CADM2: variants seen among roughly 807,000 people sequenced by gnomAD.
The protein encoded by CADM2 is cell adhesion molecule 2.
A neutral mutation model predicts 49.8 loss-of-function variants in CADM2; 12 were observed. The observed-to-expected ratio is 0.24, with a 90% confidence interval of 0.15 to 0.39. The LOEUF (loss-of-function observed/expected upper bound fraction) is 0.39, where lower values mean the gene tolerates loss of function less well. Ranked by LOEUF, CADM2 falls within the 10% of genes least tolerant of loss-of-function variation. CADM2 has a pLI of 1.00. For synonymous variants in CADM2, 214 were observed against 175.4 expected (o/e 1.22, Z -1.74); for missense variants, 378 against 492.3 (o/e 0.77, Z 2.20).
chr3:85,013,753 A>G (rs1434197565), intron 1 of CADM2, among the ~76,000 whole-genome samples: 2 of 149,266 alleles, frequency 1.3e-5, no homozygotes, highest in Non-Finnish European at 3.0e-5. Flanking sequence ...ATGGTCAACT[A>G]CGGTCCAAAA....
intron 3 of CADM2, among the ~76,000 whole-genome samples, chr3:85,850,929 C>G (rs754170353): frequency 7.2e-5 from 11 of 152,140 alleles, no homozygotes; most frequent in African/African-American, 1.2e-4. Flanking sequence ...GCCGAGACCT[C>G]TAGCACACTG....
At chr3:85,115,311 G>A (rs2038602215) in intron 1 of CADM2, among the ~76,000 whole-genome samples, 1 of 152,136 alleles carries the variant, frequency 6.6e-6, no homozygotes, top group South Asian at 2.1e-4. Context: ...TTGCTAATTA[G>A]AATTATCACT....
intron 8 of CADM2, among the ~76,000 whole-genome samples, chr3:86,043,184 T>C (rs188412711): frequency 0.035 from 5,304 of 152,146 alleles, 187 homozygotes; most frequent in African/African-American, 0.086. Context: ...CAGGGATGCC[T>C]TCTCTCACCA....
intron 2 of CADM2, among the ~76,000 whole-genome samples, chr3:85,760,993 G>T (rs1227809135): frequency 6.6e-6 from 1 of 152,132 alleles, no homozygotes; most frequent in Admixed American, 6.5e-5. Flanking sequence ...GAGTCCTACT[G>T]TTAGTATTTT....
intron 1 of CADM2, among the ~76,000 whole-genome samples, chr3:85,120,959 G>A (rs1292001194): frequency 6.6e-6 from 1 of 152,168 alleles, no homozygotes; most frequent in Non-Finnish European, 1.5e-5. Context: ...TTCCAAAAGT[G>A]ATATTTCCAT....
At chr3:85,992,011 TAGGCAGAA>T (rs1268224219) in intron 8 of CADM2, among the ~76,000 whole-genome samples, 16 of 152,026 alleles carry the variant, frequency 1.1e-4, no homozygotes, top group East Asian at 3.9e-4. Context: ...TATTCAAGAT[TAGGCAGAA>T]AAACCACATT....
intron 1 of CADM2, among the ~76,000 whole-genome samples, chr3:85,359,486 C>A (rs1289946201): frequency 6.7e-6 from 1 of 150,160 alleles, no homozygotes; most frequent in Non-Finnish European, 1.5e-5. Flanking sequence ...TACTCTTTGA[C>A]CAAGTTGTGT....
chr3:85,805,719 C>T (rs2072369289), intron 3 of CADM2: 1 of 152,210 alleles, frequency 6.6e-6, no homozygotes, highest in Non-Finnish European at 1.5e-5. Flanking sequence ...AGCAAGCATT[C>T]CAAGTTGTAC....
At chr3:85,405,846 A>G (rs1016783482) in intron 1 of CADM2, among the ~76,000 whole-genome samples, 8 of 151,896 alleles carry the variant, frequency 5.3e-5, no homozygotes, top group African/African-American at 1.9e-4. Flanking sequence ...CTGACTTCCA[A>G]TAATATATGA....
chr3:85,146,325 C>T (rs2039739501), intron 1 of CADM2, among the ~76,000 whole-genome samples: 1 of 151,930 alleles, frequency 6.6e-6, no homozygotes. Context: ...TTTGTGGTGA[C>T]TCTTGTTGAT....
chr3:85,083,487 C>T (rs774576253), intron 1 of CADM2, among the ~76,000 whole-genome samples: 9 of 152,226 alleles, frequency 5.9e-5, no homozygotes, highest in South Asian at 4.1e-4. Flanking sequence ...CTTCGTCTTT[C>T]ACATACATGA....
intron 1 of CADM2, among the ~76,000 whole-genome samples, chr3:85,576,081 A>G (rs67904150): frequency 0.51 from 78,062 of 152,066 alleles, 23,066 homozygotes; most frequent in East Asian, 0.85. Context: ...TTGCATTTCT[A>G]TATAGTGAAT....
chr3:85,657,417 T>G (rs1426050823), intron 1 of CADM2, among the ~76,000 whole-genome samples: 2 of 152,052 alleles, frequency 1.3e-5, no homozygotes, highest in Admixed American at 6.6e-5. Flanking sequence ...TCTCATAATA[T>G]TCATTGATCT....
At chr3:85,673,050 C>A (rs1443062261) in intron 1 of CADM2, among the ~76,000 whole-genome samples, 1 of 152,132 alleles carries the variant, frequency 6.6e-6, no homozygotes, top group African/African-American at 2.4e-5. Flanking sequence ...CTTGCTGGGA[C>A]TAAACTAGTA....
chr3:85,175,738 G>A (rs2040765444), intron 1 of CADM2, among the ~76,000 whole-genome samples: 1 of 151,728 alleles, frequency 6.6e-6, no homozygotes, highest in Non-Finnish European at 1.5e-5. Flanking sequence ...GGTTTAAGTG[G>A]TAAATTTCAT....
chr3:85,082,878 G>A (rs574849125), intron 1 of CADM2, among the ~76,000 whole-genome samples: 3 of 152,046 alleles, frequency 2.0e-5, no homozygotes, highest in Admixed American at 2.0e-4. Context: ...TAAAACACAC[G>A]CTAGCTGTTT....
At chr3:85,656,876 G>A (rs905816220) in intron 1 of CADM2, among the ~76,000 whole-genome samples, 1 of 152,026 alleles carries the variant, frequency 6.6e-6, no homozygotes, top group Non-Finnish European at 1.5e-5. Context: ...TTCAAACTGA[G>A]CACATAAGAA....
At chr3:85,626,329 A>G (rs1329434406) in intron 1 of CADM2, among the ~76,000 whole-genome samples, 1 of 152,012 alleles carries the variant, frequency 6.6e-6, no homozygotes, top group Non-Finnish European at 1.5e-5. Flanking sequence ...AAGTCCCTTC[A>G]GTAGCAGGTA....
intron 8 of CADM2, among the ~76,000 whole-genome samples, chr3:86,037,601 G>A (rs960667597): frequency 6.6e-6 from 1 of 152,044 alleles, no homozygotes; most frequent in Non-Finnish European, 1.5e-5. Context: ...TATAACATAT[G>A]AGCACACCTG....
Sources: allele counts gnomAD v4.1 joint callset (sites outside exome capture counted in the v4.1 genomes callset), GRCh38; gene constraint gnomAD v4.1.1; transcripts MANE v1.5; gene names NCBI Gene and HGNC (gene_info 2026-07-23, HGNC 2026-07-21).